Variants in GMPR observed in about 807,000 individuals in gnomAD.
The protein encoded by GMPR is guanosine monophosphate reductase.
A neutral mutation model predicts 38.4 loss-of-function variants in GMPR; 31 were observed. The ratio of observed to expected loss-of-function variants is 0.81; its 90% CI spans 0.61 to 1.09. The LOEUF (loss-of-function observed/expected upper bound fraction) is 1.09. Ranked by LOEUF, GMPR falls within the 50% of genes least tolerant of loss-of-function variation. GMPR has a pLI of 0.00. For missense variants in GMPR, 468 were observed against 453.7 expected (o/e 1.03, Z -0.29); for synonymous variants, 162 against 173.3 (o/e 0.93, Z 0.51).
At chr6:16,271,214 A>C (rs1465255700) in intron 4 of GMPR, among the ~76,000 whole-genome samples, 9 of 148,484 alleles carry the variant, frequency 6.1e-5, no homozygotes, top group East Asian at 2.0e-4. Flanking sequence ...GGCCGGGCGC[A>C]GTGGCTCATG....
At chr6:16,269,842 G>A (rs764144431) in intron 4 of GMPR, among the ~76,000 whole-genome samples, 5 of 152,206 alleles carry the variant, frequency 3.3e-5, no homozygotes, top group Non-Finnish European at 5.9e-5. Context: ...TATTTTCACA[G>A]TTCTGAAGGC....
chr6:16,289,219 C>G (rs998727554), intron 7 of GMPR, among the ~76,000 whole-genome samples: 4 of 152,176 alleles, frequency 2.6e-5, no homozygotes, highest in East Asian at 1.9e-4. Flanking sequence ...AGGAAAAAGC[C>G]TCAGCCGCGC....
rs188277372 is a variant in GMPR at position 16,260,487 on chromosome 6, A to G, written c.465+5752A>G. On this transcript the variant is annotated intron_variant, in intron 4 of 8. Coordinates refer to ENST00000259727, the MANE Select transcript of GMPR (RefSeq NM_006877.4). ...GTATTTTAGTTATCTGACTCGGGGC[A>G]TGTCGAGTAAAGCTAATTTGCCAGT... Among the ~76,000 whole-genome samples the G allele has an allele frequency of 5.4e-4, 82 of 152,138 alleles. 2 individuals carry two copies. The highest frequency in any genetic ancestry group is 1.8e-3 in the African/African-American group (75 of 41,540).
At chr6:16,287,089 C>T (rs907624441) in intron 7 of GMPR, among the ~76,000 whole-genome samples, 3 of 152,136 alleles carry the variant, frequency 2.0e-5, no homozygotes, top group Admixed American at 6.5e-5. Flanking sequence ...TCTACAGACC[C>T]TCCACTGATT....
rs117257994 is a variant in GMPR, at chr6:16,287,757, C to T, written c.697+1922C>T. ...AGGGAGTCAGCATTCGTGTTAGGAA[C>T]CCTGAAAGGGGAGGGTCTTAAGAGG... On this transcript the variant is annotated intron_variant, in intron 7 of 8. Coordinates refer to ENST00000259727, the MANE Select transcript of GMPR (RefSeq NM_006877.4). Among the ~76,000 whole-genome samples the T allele has an allele frequency of 1.9e-4, 29 of 152,286 alleles. No homozygotes were observed. In the East Asian group the frequency reaches 5.6e-3, roughly 29 times the overall value.
intron 6 of GMPR, among the ~76,000 whole-genome samples, chr6:16,281,873 G>A (rs899073966): frequency 6.6e-6 from 1 of 152,172 alleles, no homozygotes; most frequent in African/African-American, 2.4e-5. Context: ...CCATTTAGCT[G>A]GAAAAGCAAA....
At chr6:16,267,465 C>T (rs558746262) in intron 4 of GMPR, among the ~76,000 whole-genome samples, 18 of 152,132 alleles carry the variant, frequency 1.2e-4, no homozygotes, top group African/African-American at 3.1e-4. Context: ...TGAACAACTC[C>T]GGACGGTGCC....
rs368812751 is a variant in GMPR, at chr6:16,289,428, A to C, written c.698-1034A>C. 4.6e-5 allele frequency: 7 copies of C among 152,300 alleles called. No homozygotes were observed. In the East Asian group the frequency reaches 9.6e-4, roughly 21 times the overall value. 9.4% of individuals were successfully genotyped at this position (152,300 alleles called of 1,614,324 possible). ...CCACGTTTTTACTTTTTTGACAGCTAATCATTCAGCGTCTATCATGTGCTG... is the reference window on the plus strand; with the variant it reads ...CCACGTTTTTACTTTTTTGACAGCTCATCATTCAGCGTCTATCATGTGCTG... On this transcript the variant is annotated intron_variant, in intron 7 of 8. Coordinates refer to ENST00000259727, the MANE Select transcript of GMPR (RefSeq NM_006877.4).
At chr6:16,274,915 C>T (rs796601357) in intron 5 of GMPR, among the ~76,000 whole-genome samples, 8 of 152,258 alleles carry the variant, frequency 5.3e-5, no homozygotes, top group African/African-American at 1.9e-4. Context: ...AATAAGCTTG[C>T]AGTGATGAGG....
intron 5 of GMPR, 27 bp from the exon 6 acceptor site, chr6:16,278,757 T>G (rs746143009): frequency 9.5e-6 from 14 of 1,480,394 alleles, no homozygotes; most frequent in Non-Finnish European, 8.5e-6. Context: ...AACCATCTAT[T>G]TGGGGACAAC....
At chr6:16,260,191 G>A (rs1759053456) in intron 4 of GMPR, among the ~76,000 whole-genome samples, 1 of 152,012 alleles carries the variant, frequency 6.6e-6, no homozygotes, top group Non-Finnish European at 1.5e-5. Flanking sequence ...TTGGTGAAGT[G>A]TGTTTTTAAA....
intron 6 of GMPR, among the ~76,000 whole-genome samples, chr6:16,285,483 G>A (rs959829688): frequency 1.3e-5 from 2 of 152,214 alleles, no homozygotes; most frequent in African/African-American, 4.8e-5. Flanking sequence ...CCCCTCTGCC[G>A]CTCACAGCCC....
intron 3 of GMPR, 77 bp downstream of exon 3, chr6:16,250,444 A>T: frequency 1.2e-6 from 1 of 836,904 alleles, no homozygotes; most frequent in Non-Finnish European, 2.1e-6. Context: ...AGAGGATTTC[A>T]GTCAGTAGCA....
At chr6:16,262,759 A>C (rs1759111463) in intron 4 of GMPR, 1 of 152,072 alleles carries the variant, frequency 6.6e-6, no homozygotes, top group Admixed American at 6.6e-5. Flanking sequence ...AAAGCGTCTC[A>C]GGGTTGCTGC....
intron 4 of GMPR, among the ~76,000 whole-genome samples, chr6:16,269,458 G>A (rs996995316): frequency 1.3e-5 from 2 of 152,078 alleles, no homozygotes; most frequent in African/African-American, 4.8e-5. Flanking sequence ...TTCTGTTCAG[G>A]CTGCAATAAC....
chr6:16,266,629 C>A (rs183091325), intron 4 of GMPR, among the ~76,000 whole-genome samples: 1 of 149,364 alleles, frequency 6.7e-6, no homozygotes, highest in African/African-American at 2.5e-5. Context: ...GGTGAAACCC[C>A]ATCTCTACTA....
At chr6:16,250,511 T>A in intron 3 of GMPR, 144 bp downstream of exon 3, 1 of 642,866 alleles carries the variant, frequency 1.6e-6, no homozygotes, top group Non-Finnish European at 2.8e-6. Context: ...AGGGATTTGC[T>A]GAGAAAACTT....
At chr6:16,256,011 T>G (rs1236503044) in intron 4 of GMPR, among the ~76,000 whole-genome samples, 1 of 150,504 alleles carries the variant, frequency 6.6e-6, no homozygotes, top group Non-Finnish European at 1.5e-5. Context: ...AGGTCAGGAA[T>G]TTGAGACCAG....
intron 4 of GMPR, among the ~76,000 whole-genome samples, chr6:16,255,973 T>G (rs1235129663): frequency 6.6e-6 from 1 of 152,168 alleles, no homozygotes; most frequent in East Asian, 1.9e-4. Flanking sequence ...CCCAGCACTT[T>G]GGGAGGCCGA....
Sources: gnomAD v4.1 joint callset for allele counts (sites outside exome capture counted in the v4.1 genomes callset) on GRCh38, gnomAD v4.1.1 for gene constraint, MANE v1.5 for transcripts, NCBI Gene and HGNC (gene_info 2026-07-23, HGNC 2026-07-21) for gene names.